The following OSMR variants were observed in gnomAD, a reference collection of about 807,000 sequenced individuals.
The protein encoded by OSMR is oncostatin M receptor.
OSMR carries 81 observed loss-of-function variants against 99.9 expected under a neutral mutation model. That is an observed-to-expected ratio of 0.81 (90% CI 0.68 to 0.97). The LOEUF (loss-of-function observed/expected upper bound fraction) is 0.97, where lower values mean the gene tolerates loss of function less well. OSMR is among the 50% of genes least tolerant of loss of function. OSMR has a pLI of 0.00. For synonymous variants in OSMR, 406 were observed against 410.4 expected (o/e 0.99, Z 0.13); for missense variants, 1,099 against 1,153.4 (o/e 0.95, Z 0.68).
intron 1 of OSMR, chr5:38,941,602 A>C (rs1404536477): frequency 1.7e-5 from 4 of 231,554 alleles, no homozygotes; most frequent in African/African-American, 8.8e-5. Flanking sequence ...GTAGTGAAAA[A>C]CCTTAATTGG....
intron 15 of OSMR, among the ~76,000 whole-genome samples, chr5:38,930,486 T>TGGGGAGGGCA (rs1420356060): frequency 6.6e-6 from 1 of 152,144 alleles, no homozygotes; most frequent in Non-Finnish European, 1.5e-5. Context: ...AGGTGGAGCA[T>TGGGGAGGGCA]GGGGAGGGCA....
intron 9 of OSMR, among the ~76,000 whole-genome samples, chr5:38,909,122 T>C (rs1251435342): frequency 6.6e-6 from 1 of 152,154 alleles, no homozygotes; most frequent in Non-Finnish European, 1.5e-5. Context: ...AATTTCATAA[T>C]ACAAATGCAA....
At chr5:38,856,833 G>T (rs1740892959) in intron 1 of OSMR, among the ~76,000 whole-genome samples, 1 of 152,120 alleles carries the variant, frequency 6.6e-6, no homozygotes. Flanking sequence ...TGTAGAGATG[G>T]ATCTTGCTAT....
chr5:38,923,233 A>C lies in OSMR; in HGVS notation c.1849A>C (p.Thr617Pro), dbSNP rs1746317973. Residue 617 changes from threonine to proline, a missense_variant, in exon 13 of 18, where the codon ACA (threonine) becomes CCA (proline). Physicochemically the swap from Thr to Pro is conservative, Grantham distance 38. Coordinates refer to ENST00000274276, the MANE Select transcript of OSMR (RefSeq NM_003999.3). ...KRIACLLEKK[T>P]GYSQELAPSD... ...GATTGCTTGTTTATTAGAGAAAAAA[A>C]CAGGATACTCTCAGGAACTTGGTAA... The C allele has an allele frequency of 6.2e-7, 1 of 1,602,698 alleles. No homozygotes were observed. The highest frequency in any genetic ancestry group is 1.3e-5 in the African/African-American group (1 of 74,810).
intron 15 of OSMR, among the ~76,000 whole-genome samples, chr5:38,930,709 T>G (rs1385463110): frequency 6.6e-6 from 1 of 152,230 alleles, no homozygotes; most frequent in Non-Finnish European, 1.5e-5. Context: ...TATTTGGGAC[T>G]GAGCATTGTA....
At chr5:38,846,537 C>G (rs1248283861) in intron 1 of OSMR, 150 bp downstream of exon 1, 1 of 152,298 alleles carries the variant, frequency 6.6e-6, no homozygotes. Context: ...TTGAATCCCT[C>G]TTTCCTCTCT....
rs1274725209 is a variant in OSMR at position 38,923,225 on chromosome 5, A to C, written c.1841A>C (p.Glu614Ala). The change falls in exon 13 of 18, where the codon GAG becomes GCG. Residue 614 changes from glutamate (E) to alanine (A), a missense_variant. Glu to Ala is a moderately radical substitution (Grantham distance 107). Coordinates refer to ENST00000274276, the MANE Select transcript of OSMR (RefSeq NM_003999.3). ...LSTKRIACLL[E>A]KKTGYSQELA... ...ACAAAAAGGATTGCTTGTTTATTAG[A>C]GAAAAAAACAGGATACTCTCAGGAA... 3.9e-5 allele frequency: 63 copies of C among 1,606,654 alleles called. No individual in the cohort carries two copies. The highest frequency in any genetic ancestry group is 5.0e-5 in the Non-Finnish European group (59 of 1,173,446).
intron 16 of OSMR, 35 bp from the exon 17 acceptor site, chr5:38,932,428 G>C (rs751621997): frequency 6.6e-7 from 1 of 1,518,084 alleles, no homozygotes; most frequent in Admixed American, 1.7e-5. Flanking sequence ...CCACTGTACT[G>C]TGAAATTCAG....
chr5:38,942,731 T>C, intron 1 of OSMR: 1 of 918,238 alleles, frequency 1.1e-6, no homozygotes, highest in South Asian at 1.6e-5. Flanking sequence ...GCTGGGATTG[T>C]AGGCATGAGT....
intron 1 of OSMR, among the ~76,000 whole-genome samples, chr5:38,864,350 T>C (rs1741761066): frequency 6.6e-6 from 1 of 152,156 alleles, no homozygotes; most frequent in South Asian, 2.1e-4. Context: ...ACCAATTAGT[T>C]TTATATTTTC....
intron 1 of OSMR, chr5:38,941,325 GT>G (rs200524193): frequency 2.3e-5 from 2 of 87,808 alleles, no homozygotes; most frequent in African/African-American, 8.7e-5. Context: ...CTTTATTAAT[GT>G]TTTTTTTAAG....
In OSMR at chr5:38,933,254, A is replaced by G. The variant is rs763165102; in HGVS notation, c.2750A>G (p.Tyr917Cys). Residue 917 changes from tyrosine to cysteine, a missense_variant, in exon 18 of 18, where the codon TAT becomes TGT. By Grantham distance (194) the Tyr-to-Cys change is radical (BLOSUM62 -2). Transcript: ENST00000274276. The stretch of plus-strand genomic sequence containing the variant: ...CCAGCTGGAGAAACAAGTTTGAATT[A>G]TGTGTCCCAGTTGGCTTCACCCATG... ...EIPAGETSLN[Y>C]VSQLASPMFG... is the part of the protein sequence containing the mutation. 4 of 1,614,022 alleles carry G rather than the reference A, an allele frequency of 2.5e-6. No homozygotes were observed. The East Asian group carries it at 6.7e-5, about 27-fold the overall frequency.
chr5:38,855,312 T>C lies in OSMR; in HGVS notation c.-14+8925T>C, dbSNP rs551345770. Among the ~76,000 whole-genome samples, 4 of 152,290 alleles carry C rather than the reference T, an allele frequency of 2.6e-5. No homozygotes were observed. The South Asian group carries it at 8.3e-4, about 32-fold the overall frequency. On this transcript the variant is annotated intron_variant, in intron 1 of 17. Coordinates refer to ENST00000274276, the MANE Select transcript of OSMR (RefSeq NM_003999.3). ...GGGTTTAAGTACTATGTGTAAGCACTGAGGATGCCTGAATGTATATGCCTA... is the reference window on the plus strand; with the variant it reads ...GGGTTTAAGTACTATGTGTAAGCACCGAGGATGCCTGAATGTATATGCCTA...
At chr5:38,892,150 AC>A (rs927255516) in intron 7 of OSMR, among the ~76,000 whole-genome samples, 1 of 151,942 alleles carries the variant, frequency 6.6e-6, no homozygotes, top group Non-Finnish European at 1.5e-5. Context: ...CATGTCATGC[AC>A]CCCACAGCTG....
chr5:38,917,691 C>T (rs1579785909), intron 10 of OSMR, 69 bp downstream of exon 10: 2 of 1,275,080 alleles, frequency 1.6e-6, no homozygotes, highest in East Asian at 4.8e-5. Context: ...AATGTGTCTT[C>T]CTCTGGAGAA....
rs1414717871 is a variant in OSMR at position 38,925,952 on chromosome 5, G to A, written c.2212+581G>A. Among the ~76,000 whole-genome samples the A allele has an allele frequency of 2.6e-5, 4 of 152,190 alleles. No individual in the cohort carries two copies. In the South Asian group the frequency reaches 6.2e-4, roughly 24 times the overall value. On this transcript the variant is annotated intron_variant, in intron 15 of 17. Coordinates refer to ENST00000274276, the MANE Select transcript of OSMR (RefSeq NM_003999.3). ...GCATATTTGGTTGGGAAATGGTGAGGTGGAGAGATAGATCTTTTCAAAAAT... is the reference window on the plus strand; with the variant it reads ...GCATATTTGGTTGGGAAATGGTGAGATGGAGAGATAGATCTTTTCAAAAAT...
rs959606833 is a variant in OSMR, at chr5:38,933,278, T to G, written c.2774T>G (p.Met925Arg). 6.2e-7 allele frequency: 1 copy of G among 1,614,218 alleles called. No individual in the cohort carries two copies. The highest frequency in any genetic ancestry group is 1.7e-5 in the Admixed American group (1 of 60,026). ...TATGTGTCCCAGTTGGCTTCACCCA[T>G]GTTTGGAGACAAGGACAGTCTCCCA... ...LNYVSQLASP[M>R]FGDKDSLPTN... The change falls in exon 18 of 18, where the codon ATG (methionine) becomes AGG (arginine). Residue 925 changes from methionine to arginine, a missense_variant. Physicochemically the swap from Met to Arg is moderately conservative, Grantham distance 91. Coordinates refer to ENST00000274276, the MANE Select transcript of OSMR (RefSeq NM_003999.3).
intron 7 of OSMR, among the ~76,000 whole-genome samples, chr5:38,889,999 T>C (rs1402458004): frequency 6.6e-6 from 1 of 152,266 alleles, no homozygotes; most frequent in East Asian, 1.9e-4. Context: ...GTGCTTTCGT[T>C]ATAACAAACT....
chr5:38,938,360 T>C (rs1322258572), downstream of OSMR: 1 of 230,132 alleles, frequency 4.3e-6, no homozygotes, highest in East Asian at 6.2e-5. Context: ...TTAGGGTTTC[T>C]GACAGGTATT....
Sources: gnomAD v4.1 joint callset for allele counts (sites outside exome capture counted in the v4.1 genomes callset) on GRCh38, gnomAD v4.1.1 for gene constraint, MANE v1.5 for transcripts, NCBI Gene and HGNC (gene_info 2026-07-23, HGNC 2026-07-21) for gene names.